MALRD1: variants seen among roughly 807,000 people sequenced by gnomAD.
The protein encoded by MALRD1 is MAM and LDL receptor class A domain containing 1.
A neutral mutation model predicts 242.1 loss-of-function variants in MALRD1; 247 were observed. That is an observed-to-expected ratio of 1.02 (90% CI 0.92 to 1.13). MALRD1 has a LOEUF of 1.13. MALRD1 is among the 50% of genes most tolerant of loss of function. The pLI, the probability that MALRD1 is intolerant of heterozygous loss-of-function variation, is 0.00. For missense variants in MALRD1, 2,989 were observed against 2,533.1 expected (o/e 1.18, Z -3.86); for synonymous variants, 995 against 866.6 (o/e 1.15, Z -2.60).
At chr10:19,281,092 A>T (rs1418425901) in intron 20 of MALRD1, among the ~76,000 whole-genome samples, 1 of 151,646 alleles carries the variant, frequency 6.6e-6, no homozygotes, top group African/African-American at 2.4e-5. Context: ...TTTAATCTAG[A>T]AAAAAATGTT....
chr10:19,200,960 A>G (rs1836512240), intron 14 of MALRD1, among the ~76,000 whole-genome samples: 1 of 152,114 alleles, frequency 6.6e-6, no homozygotes, highest in Non-Finnish European at 1.5e-5. Flanking sequence ...TGCCTGTAAC[A>G]GCCCCTAGCA....
At chr10:19,125,209 G>A (rs1837214898) in intron 7 of MALRD1, among the ~76,000 whole-genome samples, 1 of 151,930 alleles carries the variant, frequency 6.6e-6, no homozygotes, top group African/African-American at 2.4e-5. Flanking sequence ...GCCTCCTGAA[G>A]TGCTGAGATT....
chr10:19,731,360 G>C (rs1206464327), intron 39 of MALRD1, among the ~76,000 whole-genome samples: 6 of 152,018 alleles, frequency 3.9e-5, no homozygotes, highest in Non-Finnish European at 5.9e-5. Flanking sequence ...TATATTTTAA[G>C]TCATTTTTAG....
chr10:19,429,953 A>G (rs1316588250), intron 28 of MALRD1, among the ~76,000 whole-genome samples: 2 of 152,016 alleles, frequency 1.3e-5, no homozygotes, highest in African/African-American at 2.4e-5. Flanking sequence ...AATATGGCCA[A>G]TGTACCCAGT....
intron 10 of MALRD1, among the ~76,000 whole-genome samples, chr10:19,145,025 TA>T (rs1225790729): frequency 2.6e-5 from 4 of 152,024 alleles, no homozygotes; most frequent in Non-Finnish European, 5.9e-5. Flanking sequence ...TAAAGAGGAA[TA>T]TTTAGGAATA....
chr10:19,234,020 C>T (rs1296000160), intron 18 of MALRD1, among the ~76,000 whole-genome samples: 2 of 151,374 alleles, frequency 1.3e-5, no homozygotes, highest in Non-Finnish European at 2.9e-5. Flanking sequence ...ATGTAATTTC[C>T]CAGCTTTTAT....
intron 36 of MALRD1, among the ~76,000 whole-genome samples, chr10:19,647,159 G>A (rs1319374778): frequency 1.3e-5 from 2 of 152,316 alleles, no homozygotes; most frequent in African/African-American, 4.8e-5. Context: ...CCTTGCAAAT[G>A]TGACATTTCA....
chr10:19,553,734 A>G (rs1412572762), intron 32 of MALRD1, among the ~76,000 whole-genome samples: 3 of 152,186 alleles, frequency 2.0e-5, no homozygotes, highest in South Asian at 4.1e-4. Context: ...TCTAAACTAG[A>G]TGGAGGTAGC....
chr10:19,585,305 A>G (rs181566386), intron 33 of MALRD1, among the ~76,000 whole-genome samples: 1 of 151,454 alleles, frequency 6.6e-6, no homozygotes, highest in East Asian at 2.0e-4. Flanking sequence ...TAGTTGATGT[A>G]GTTTCTTTCT....
Position 19,171,457 on chromosome 10 carries a change from T to TATACACAC in MALRD1, c.1831-3750_1831-3749insTACACACA, listed in dbSNP as rs1166665866. On this transcript the variant is annotated intron_variant, in intron 13 of 39. Transcript: ENST00000454679. ...ATATATATATATATATATATATATA[T>TATACACAC]ACACACATGTATATACACACACACA... Among the ~76,000 whole-genome samples, 351 of 74,536 alleles carry TATACACAC rather than the reference T, an allele frequency of 4.7e-3. 11 individuals carry two copies. The highest frequency in any genetic ancestry group is 7.6e-3 in the Non-Finnish European group (244 of 31,906). 48.9% of individuals were successfully genotyped at this position (74,536 alleles called of 152,430 possible).
In MALRD1 at chr10:19,389,518, C is replaced by T; in HGVS notation, c.4754C>T (p.Thr1585Ile). The T allele has an allele frequency of 6.4e-7, 1 of 1,550,558 alleles. No individual in the cohort carries two copies. The highest frequency in any genetic ancestry group is 8.7e-7 in the Non-Finnish European group (1 of 1,146,908). ...LRGDKAHFRS[T>I]MWRESSAACT... is the part of the protein sequence containing the mutation. ...GGTGACAAAGCACACTTCAGGAGTA[C>T]CATGTGGCGAGAATCCAGTGCAGCC... Residue 1585 changes from threonine (T) to isoleucine (I), a missense_variant, in exon 28 of 40, where the codon ACC (threonine) becomes ATC (isoleucine). Transcript: ENST00000454679.
chr10:19,483,132 C>T (rs1382867752), intron 29 of MALRD1, among the ~76,000 whole-genome samples: 1 of 151,024 alleles, frequency 6.6e-6, no homozygotes, highest in African/African-American at 2.4e-5. Flanking sequence ...AAAATAAGGC[C>T]ACACACATTT....
intron 26 of MALRD1, among the ~76,000 whole-genome samples, chr10:19,386,995 T>C (rs989346265): frequency 2.6e-5 from 4 of 152,150 alleles, no homozygotes; most frequent in African/African-American, 9.7e-5. Flanking sequence ...TAAATATGCA[T>C]TTTAGAGAAA....
intron 4 of MALRD1, among the ~76,000 whole-genome samples, chr10:19,101,368 A>G (rs1000096620): frequency 4.2e-5 from 6 of 144,510 alleles, no homozygotes; most frequent in Non-Finnish European, 9.0e-5. Context: ...ATTATATATT[A>G]TATATAACCA....
chr10:19,453,692 A>G (rs1291939114), intron 29 of MALRD1, among the ~76,000 whole-genome samples: 1 of 151,988 alleles, frequency 6.6e-6, no homozygotes, highest in Non-Finnish European at 1.5e-5. Flanking sequence ...CCTGGCCAAC[A>G]TGGTGAAACT....
chr10:19,608,016 A>G, intron 35 of MALRD1, 114 bp downstream of exon 35: 1 of 1,347,556 alleles, frequency 7.4e-7, no homozygotes. Flanking sequence ...GAATAATTGA[A>G]TTTCTATTCT....
At chr10:19,543,168 T>A (rs941833230) in intron 32 of MALRD1, among the ~76,000 whole-genome samples, 2 of 152,204 alleles carry the variant, frequency 1.3e-5, no homozygotes, top group Non-Finnish European at 2.9e-5. Flanking sequence ...CACTGCAGCC[T>A]TGCCTTCCCA....
intron 13 of MALRD1, among the ~76,000 whole-genome samples, chr10:19,170,186 A>G (rs1335663119): frequency 6.6e-6 from 1 of 152,202 alleles, no homozygotes; most frequent in East Asian, 1.9e-4. Flanking sequence ...GTGAGAGTTT[A>G]TTGGAAAAAT....
chr10:19,467,350 G>A (rs1403926931), intron 29 of MALRD1, among the ~76,000 whole-genome samples: 3 of 86,186 alleles, frequency 3.5e-5, no homozygotes, highest in East Asian at 5.0e-4. Flanking sequence ...GTGAGACTCC[G>A]CCACTGCACT....
Sources: allele counts gnomAD v4.1 joint callset (sites outside exome capture counted in the v4.1 genomes callset), GRCh38; gene constraint gnomAD v4.1.1; transcripts MANE v1.5; gene names NCBI Gene and HGNC (gene_info 2026-07-23, HGNC 2026-07-21).